The following PHACTR1 variants were observed in gnomAD, a reference collection of about 807,000 sequenced individuals.
PHACTR1 encodes phosphatase and actin regulator 1, also known as RPEL repeat containing 1.
A neutral mutation model predicts 69.2 loss-of-function variants in PHACTR1; 16 were observed. The observed-to-expected ratio is 0.23, with a 90% CI of 0.16 to 0.35. PHACTR1 has a LOEUF of 0.35. Among genes scored for constraint, PHACTR1 ranks in the 10% least tolerant of loss-of-function variants. PHACTR1 has a pLI of 1.00. For missense variants in PHACTR1, 510 were observed against 734.7 expected (o/e 0.69, Z 3.54); for synonymous variants, 312 against 284.5 (o/e 1.10, Z -0.97).
intron 5 of PHACTR1, among the ~76,000 whole-genome samples, chr6:13,089,515 C>A (rs1812870475): frequency 6.6e-6 from 1 of 152,184 alleles, no homozygotes; most frequent in Non-Finnish European, 1.5e-5. Flanking sequence ...ATGCTATCAT[C>A]ATTTTTTGGG....
At chr6:12,777,611 C>T (rs965951885) in intron 4 of PHACTR1, among the ~76,000 whole-genome samples, 2 of 145,386 alleles carry the variant, frequency 1.4e-5, no homozygotes, top group South Asian at 2.1e-4. Context: ...GTATATATAC[C>T]ACCCTTTCTT....
At chr6:12,726,183 G>GA (rs1243289974) in intron 3 of PHACTR1, among the ~76,000 whole-genome samples, 1 of 152,010 alleles carries the variant, frequency 6.6e-6, no homozygotes, top group Non-Finnish European at 1.5e-5. Context: ...GTCTATTATT[G>GA]AAAAAAATCA....
At chr6:13,271,795 C>G (rs1404617351) in intron 10 of PHACTR1, among the ~76,000 whole-genome samples, 2 of 151,856 alleles carry the variant, frequency 1.3e-5, no homozygotes, top group Non-Finnish European at 2.9e-5. Flanking sequence ...TTGGAGACTT[C>G]ATTGACTTGA....
intron 4 of PHACTR1, among the ~76,000 whole-genome samples, chr6:12,996,957 G>T (rs1016015636): frequency 1.3e-5 from 2 of 152,100 alleles, no homozygotes; most frequent in Non-Finnish European, 2.9e-5. Flanking sequence ...CCTGAGGTCA[G>T]GAGTTTGAGA....
At chr6:13,118,203 T>TA (rs1318152143) in intron 5 of PHACTR1, among the ~76,000 whole-genome samples, 2 of 152,228 alleles carry the variant, frequency 1.3e-5, no homozygotes, top group African/African-American at 2.4e-5. Flanking sequence ...CAGGAGCACC[T>TA]AGGCTTGAAC....
chr6:12,846,706 T>C (rs1779303864), intron 4 of PHACTR1, among the ~76,000 whole-genome samples: 1 of 151,504 alleles, frequency 6.6e-6, no homozygotes, highest in East Asian at 1.9e-4. Context: ...ATCACCTTAA[T>C]AATTAATGCT....
At position 13,064,622 on chromosome 6, in the gene PHACTR1, C is replaced by A. The variant is rs1808330458; in HGVS notation, c.415+11093C>A. Among the ~76,000 whole-genome samples the A allele has an allele frequency of 2.5e-4, 18 of 72,212 alleles. 1 individual carries two copies. Among genetic ancestry groups the A allele is most frequent in the Admixed American group, 3.6e-4 (2 of 5,582 alleles). 47.4% of individuals were successfully genotyped at this position (72,212 alleles called of 152,430 possible). The stretch of plus-strand genomic sequence containing the variant: ...TATATATATCTATATATCTATCTAT[C>A]CACACTTGCCAGACTATGGAGGATT... On this transcript the variant is annotated intron_variant, in intron 5 of 14. Coordinates refer to ENST00000332995, the MANE Select transcript of PHACTR1 (RefSeq NM_030948.6).
At chr6:13,264,644 G>C (rs1361880247) in intron 10 of PHACTR1, among the ~76,000 whole-genome samples, 2 of 152,158 alleles carry the variant, frequency 1.3e-5, no homozygotes, top group African/African-American at 4.8e-5. Context: ...ACTTGAACCT[G>C]GGAGGCAGAG....
chr6:13,247,814 T>G (rs1337934310), intron 10 of PHACTR1, among the ~76,000 whole-genome samples: 1 of 152,070 alleles, frequency 6.6e-6, no homozygotes, highest in Non-Finnish European at 1.5e-5. Context: ...TGATCAAACC[T>G]GTGAATAGCC....
At chr6:13,106,474 T>C (rs1279734638) in intron 5 of PHACTR1, among the ~76,000 whole-genome samples, 2 of 152,124 alleles carry the variant, frequency 1.3e-5, no homozygotes, top group South Asian at 2.1e-4. Context: ...CCTTTGTTTA[T>C]TTTTTATTCT....
intron 4 of PHACTR1, among the ~76,000 whole-genome samples, chr6:12,810,131 A>G (rs1052844930): frequency 6.6e-6 from 1 of 152,248 alleles, no homozygotes; most frequent in South Asian, 2.1e-4. Flanking sequence ...AAATTAATCA[A>G]ATGAAATCTA....
At chr6:12,872,970 G>GCTTC (rs1221475565) in intron 4 of PHACTR1, among the ~76,000 whole-genome samples, 7 of 141,990 alleles carry the variant, frequency 4.9e-5, no homozygotes, top group Non-Finnish European at 7.7e-5. Context: ...TTCCTTCCTT[G>GCTTC]CTTCCTTCCT....
At chr6:12,921,360 T>A (rs2127512219) in intron 4 of PHACTR1, among the ~76,000 whole-genome samples, 1 of 152,114 alleles carries the variant, frequency 6.6e-6, no homozygotes, top group South Asian at 2.1e-4. Context: ...CAGGGCTGAG[T>A]GTGCAGGACA....
intron 4 of PHACTR1, among the ~76,000 whole-genome samples, chr6:12,924,204 A>ATGTATG (rs1788011876): frequency 1.3e-5 from 2 of 152,228 alleles, no homozygotes; most frequent in South Asian, 4.1e-4. Flanking sequence ...ATACATGTGT[A>ATGTATG]TGTATGTAAA....
chr6:13,043,439 C>T (rs1804508094), intron 4 of PHACTR1, among the ~76,000 whole-genome samples: 1 of 151,264 alleles, frequency 6.6e-6, no homozygotes, highest in African/African-American at 2.4e-5. Context: ...AAAAAAAAGG[C>T]GGGTGGGGGG....
chr6:12,927,592 C>T (rs1004520354), intron 4 of PHACTR1, among the ~76,000 whole-genome samples: 7 of 152,168 alleles, frequency 4.6e-5, no homozygotes, highest in Non-Finnish European at 7.4e-5. Context: ...TAAAGTCACA[C>T]GGCCAGGATT....
At chr6:13,075,202 A>G (rs1184044961) in intron 5 of PHACTR1, among the ~76,000 whole-genome samples, 2 of 152,234 alleles carry the variant, frequency 1.3e-5, no homozygotes, top group African/African-American at 4.8e-5. Flanking sequence ...CATCACATAT[A>G]TTAACTCCTA....
chr6:13,186,969 C>T (rs992820229), intron 7 of PHACTR1, among the ~76,000 whole-genome samples: 4 of 152,142 alleles, frequency 2.6e-5, no homozygotes, highest in Admixed American at 6.6e-5. Context: ...AGACAGTGAC[C>T]GATCGTCAGG....
rs533779824 is a variant in PHACTR1, at chr6:12,993,588, G to T, written c.251-59777G>T. The stretch of plus-strand genomic sequence containing the variant: ...GACTCTGATTAAGGGAAGCCTCCTC[G>T]AAGTCCTGCCCATAGATAAATCTGG... On this transcript the variant is annotated intron_variant, in intron 4 of 14. Transcript: ENST00000332995. 7.9e-5 allele frequency among the ~76,000 whole-genome samples: 12 copies of T among 152,268 alleles called. No individual in the cohort carries two copies. In the East Asian group the frequency reaches 1.7e-3, roughly 22 times the overall value.
Sources: gnomAD v4.1 joint callset for allele counts (sites outside exome capture counted in the v4.1 genomes callset) on GRCh38, gnomAD v4.1.1 for gene constraint, MANE v1.5 for transcripts, NCBI Gene and HGNC (gene_info 2026-07-23, HGNC 2026-07-21) for gene names.